CPA6: variants seen among roughly 807,000 people sequenced by gnomAD.
CPA6 encodes carboxypeptidase B.
A neutral mutation model predicts 63.3 loss-of-function variants in CPA6; 58 were observed. The ratio of observed to expected loss-of-function variants is 0.92; its 90% CI spans 0.74 to 1.14. The LOEUF is 1.14. CPA6 is among the 50% of genes most tolerant of loss of function. CPA6 has a pLI of 0.00. For synonymous variants in CPA6, 185 were observed against 179.0 expected (o/e 1.03, Z -0.27); for missense variants, 565 against 526.6 (o/e 1.07, Z -0.71).
intron 3 of CPA6, among the ~76,000 whole-genome samples, chr8:67,514,586 C>T (rs1350440719): frequency 6.6e-6 from 1 of 152,162 alleles, no homozygotes; most frequent in East Asian, 1.9e-4. Context: ...AATGACTGTT[C>T]TCCAGTGAAG....
chr8:67,647,802 T>C (rs894708962), intron 1 of CPA6, among the ~76,000 whole-genome samples: 1 of 152,190 alleles, frequency 6.6e-6, no homozygotes, highest in African/African-American at 2.4e-5. Context: ...CACAAACCAC[T>C]GTCTGCTCTA....
rs1213442214 is a variant in CPA6, at chr8:67,742,131, TGTGTGTGTGTGTGCGC to T, written c.116+3867_116+3882del. On this transcript the variant is annotated intron_variant, in intron 1 of 10. Coordinates refer to ENST00000297770, the MANE Select transcript of CPA6 (RefSeq NM_020361.5). ...ACAGCTACTTTCTGTTCTACTTTTG[TGTGTGTGTGTGTGCGC>T]GTGTGTGTGTGACAACAGAAAGTTC... Among the ~76,000 whole-genome samples, 4 of 151,578 alleles carry T rather than the reference TGTGTGTGTGTGTGCGC, an allele frequency of 2.6e-5. No homozygotes were observed. The South Asian group carries it at 8.4e-4, about 32-fold the overall frequency.
chr8:67,422,749 C>T, intron 10 of CPA6, 58 bp from the exon 11 acceptor site: 12 of 1,328,626 alleles, frequency 9.0e-6, no homozygotes, highest in Non-Finnish European at 1.3e-5. Context: ...GTATAATTTT[C>T]TAAATGTATA....
intron 1 of CPA6, among the ~76,000 whole-genome samples, chr8:67,628,166 T>C (rs563031465): frequency 9.3e-4 from 141 of 152,022 alleles, no homozygotes; most frequent in African/African-American, 3.3e-3. Context: ...TGAGCCGAGA[T>C]TGAGCCACTG....
intron 2 of CPA6, among the ~76,000 whole-genome samples, chr8:67,594,485 T>A (rs910071107): frequency 6.6e-6 from 1 of 152,206 alleles, no homozygotes; most frequent in Non-Finnish European, 1.5e-5. Context: ...GTGTTTTCCA[T>A]CTTGGTTCCA....
chr8:67,496,187 T>C (rs542739971), intron 6 of CPA6, among the ~76,000 whole-genome samples: 1 of 152,216 alleles, frequency 6.6e-6, no homozygotes, highest in African/African-American at 2.4e-5. Flanking sequence ...TCAGTACACT[T>C]AGGCCTCCAA....
intron 8 of CPA6, among the ~76,000 whole-genome samples, chr8:67,471,581 A>T (rs1811057657): frequency 6.6e-6 from 1 of 151,534 alleles, no homozygotes; most frequent in South Asian, 2.1e-4. Context: ...GGTTTTGTGG[A>T]GTTTGGGAAA....
chr8:67,580,601 A>C (rs1354318375), intron 2 of CPA6, among the ~76,000 whole-genome samples: 2 of 152,154 alleles, frequency 1.3e-5, no homozygotes, highest in African/African-American at 4.8e-5. Context: ...TTGCAGATTT[A>C]ATTGGAAATA....
At chr8:67,534,117 T>C (rs1309482588) in intron 2 of CPA6, among the ~76,000 whole-genome samples, 3 of 152,202 alleles carry the variant, frequency 2.0e-5, no homozygotes, top group Non-Finnish European at 4.4e-5. Context: ...CCCCTTGGAA[T>C]GGAAAGCTGC....
intron 9 of CPA6, among the ~76,000 whole-genome samples, chr8:67,433,459 C>T (rs1311863141): frequency 1.3e-5 from 2 of 152,150 alleles, no homozygotes; most frequent in African/African-American, 2.4e-5. Flanking sequence ...TAATCTTATG[C>T]CTGAACGTCT....
At chr8:67,690,290 T>C (rs1317333197) in intron 1 of CPA6, among the ~76,000 whole-genome samples, 2 of 152,214 alleles carry the variant, frequency 1.3e-5, no homozygotes, top group African/African-American at 4.8e-5. Flanking sequence ...CAATTTTTGA[T>C]ATATCAGAGG....
At chr8:67,699,853 C>T (rs574251311) in intron 1 of CPA6, among the ~76,000 whole-genome samples, 98 of 152,174 alleles carry the variant, frequency 6.4e-4, no homozygotes, top group Non-Finnish European at 8.1e-4. Context: ...CCTCCCAGAG[C>T]GTTAGGATTA....
intron 1 of CPA6, among the ~76,000 whole-genome samples, chr8:67,654,766 G>T (rs954113280): frequency 2.1e-4 from 32 of 152,060 alleles, no homozygotes; most frequent in African/African-American, 7.7e-4. Context: ...TGAAAATGTG[G>T]TTCTGAGGCA....
chr8:67,607,674 T>C (rs1331113617), intron 2 of CPA6, among the ~76,000 whole-genome samples: 1 of 152,210 alleles, frequency 6.6e-6, no homozygotes, highest in Admixed American at 6.5e-5. Flanking sequence ...ATAGGGTCAA[T>C]AGACACTTGC....
At chr8:67,663,701 C>G (rs1816168258) in intron 1 of CPA6, among the ~76,000 whole-genome samples, 1 of 152,166 alleles carries the variant, frequency 6.6e-6, no homozygotes, top group Admixed American at 6.5e-5. Context: ...AGGACATGAT[C>G]TCATTCCTTT....
chr8:67,647,113 G>A (rs1376103891), intron 1 of CPA6, among the ~76,000 whole-genome samples: 5 of 152,130 alleles, frequency 3.3e-5, no homozygotes, highest in Admixed American at 6.5e-5. Flanking sequence ...ATCTAAAGAA[G>A]TAAAAGAGAA....
intron 1 of CPA6, among the ~76,000 whole-genome samples, chr8:67,679,347 T>C (rs1010031601): frequency 6.6e-6 from 1 of 152,222 alleles, no homozygotes; most frequent in Admixed American, 6.5e-5. Context: ...TTTGCTCAGA[T>C]AAAACATATG....
intron 8 of CPA6, among the ~76,000 whole-genome samples, chr8:67,455,690 A>AAAAAAAAAAG (rs1241711270): frequency 2.0e-5 from 3 of 150,338 alleles, no homozygotes; most frequent in Admixed American, 6.6e-5. Context: ...AAAAAAAAAA[A>AAAAAAAAAAG]AAAGAAAATG....
intron 2 of CPA6, among the ~76,000 whole-genome samples, chr8:67,618,537 T>TG (rs1429675645): frequency 6.6e-6 from 1 of 152,160 alleles, no homozygotes; most frequent in Non-Finnish European, 1.5e-5. Flanking sequence ...TCCTAGCAAG[T>TG]ATAGTTTTCC....
Sources: gnomAD v4.1 joint callset for allele counts (sites outside exome capture counted in the v4.1 genomes callset) on GRCh38, gnomAD v4.1.1 for gene constraint, MANE v1.5 for transcripts, NCBI Gene and HGNC (gene_info 2026-07-23, HGNC 2026-07-21) for gene names.